CELF2: variants seen among roughly 807,000 people sequenced by gnomAD.
CELF2 encodes CUG triplet repeat RNA-binding protein 2.
Under a neutral mutation model 62.6 loss-of-function variants are expected in CELF2, and 8 were observed. The observed-to-expected ratio is 0.13, with a 90% CI of 0.07 to 0.23. The LOEUF is 0.23. CELF2 is among the 10% of genes least tolerant of loss of function. CELF2 has a pLI of 1.00. For synonymous variants in CELF2, 258 were observed against 250.0 expected (o/e 1.03, Z -0.30); for missense variants, 333 against 671.0 (o/e 0.50, Z 5.56).
chr10:11,236,088 A>G (rs545673709), intron 3 of CELF2, among the ~76,000 whole-genome samples: 3 of 152,214 alleles, frequency 2.0e-5, no homozygotes, highest in Non-Finnish European at 4.4e-5. Context: ...AATGTTAGAC[A>G]CTAATTAATA....
rs143338367 is a variant in CELF2 at position 11,281,486 on chromosome 10, G to A, written c.841+6366G>A. 7.6e-3 allele frequency among the ~76,000 whole-genome samples: 1,163 copies of A among 152,322 alleles called. 10 individuals carry two copies. The highest frequency in any genetic ancestry group is 0.027 in the African/African-American group (1,109 of 41,570). On this transcript the variant is annotated intron_variant, in intron 8 of 12. Coordinates refer to ENST00000633077, the MANE Select transcript of CELF2 (RefSeq NM_001326342.2). ...ATCACGTTAAGAAACTAGGCCAGGT[G>A]TGGCGGCTCACACTTGTAGTCCCAG...
At chr10:10,671,955 C>T in the CELF2 span, among the ~76,000 whole-genome samples, 2 of 152,142 alleles carry the variant, frequency 1.3e-5, no homozygotes, top group Non-Finnish European at 2.9e-5. Flanking sequence ...GTCTTGAACG[C>T]CTGACCTCAG....
intron 1 of CELF2, among the ~76,000 whole-genome samples, chr10:11,138,878 G>A (rs901486871): frequency 9.9e-5 from 15 of 152,212 alleles, no homozygotes; most frequent in Non-Finnish European, 2.1e-4. Flanking sequence ...GAAAGTTGGT[G>A]CTTACCATTT....
At chr10:10,695,065 A>G in the CELF2 span, among the ~76,000 whole-genome samples, 1 of 145,470 alleles carries the variant, frequency 6.9e-6, no homozygotes, top group Admixed American at 6.8e-5. Context: ...TTAGCTGGTG[A>G]TTTTGCTCTT....
the CELF2 span, among the ~76,000 whole-genome samples, chr10:10,706,524 G>A: frequency 6.6e-6 from 1 of 152,162 alleles, no homozygotes; most frequent in African/African-American, 2.4e-5. Context: ...AAAGGCCTAT[G>A]ACCTTCAGGA....
chr10:11,061,077 G>A (rs1020624705), intron 1 of CELF2, among the ~76,000 whole-genome samples: 10 of 152,202 alleles, frequency 6.6e-5, no homozygotes, highest in Admixed American at 6.5e-5. Flanking sequence ...CAGTGAGAAA[G>A]GCACGTCAAA....
At chr10:10,800,092 G>T (rs1233924007) in intron 1 of CELF2, among the ~76,000 whole-genome samples, 1 of 152,140 alleles carries the variant, frequency 6.6e-6, no homozygotes, top group East Asian at 1.9e-4. Flanking sequence ...CTTCATGTTT[G>T]TCTGATTTTG....
the CELF2 span, among the ~76,000 whole-genome samples, chr10:10,491,216 T>C: frequency 6.6e-6 from 1 of 152,176 alleles, no homozygotes; most frequent in African/African-American, 2.4e-5. Flanking sequence ...ATCCAGCCCC[T>C]TTCACTGACA....
chr10:10,489,014 T>C, the CELF2 span, among the ~76,000 whole-genome samples: 1 of 152,076 alleles, frequency 6.6e-6, no homozygotes, highest in South Asian at 2.1e-4. Flanking sequence ...AGCAAGGCTA[T>C]GGAGAATCTT....
chr10:10,967,428 A>G (rs1002931988), intron 2 of CELF2, among the ~76,000 whole-genome samples: 41 of 152,224 alleles, frequency 2.7e-4, no homozygotes, highest in African/African-American at 9.9e-4. Context: ...ATAGAATTAC[A>G]GACTGTGTTA....
intron 2 of CELF2, among the ~76,000 whole-genome samples, chr10:10,953,094 C>T (rs950958653): frequency 2.0e-5 from 3 of 152,190 alleles, no homozygotes; most frequent in African/African-American, 7.2e-5. Context: ...CTCGTTCTGT[C>T]CTCGAGCCAC....
intron 2 of CELF2, among the ~76,000 whole-genome samples, chr10:11,208,220 G>A (rs2060904239): frequency 6.6e-6 from 1 of 152,068 alleles, no homozygotes; most frequent in Non-Finnish European, 1.5e-5. Flanking sequence ...AACTAGTGTA[G>A]GGACCAAGAG....
intron 2 of CELF2, among the ~76,000 whole-genome samples, chr10:11,192,590 A>G (rs1205583667): frequency 1.3e-5 from 2 of 152,240 alleles, no homozygotes; most frequent in Non-Finnish European, 2.9e-5. Context: ...CAGTCTCATG[A>G]CAATAACAAG....
chr10:10,597,440 G>T, the CELF2 span, among the ~76,000 whole-genome samples: 2 of 152,120 alleles, frequency 1.3e-5, no homozygotes, highest in Non-Finnish European at 2.9e-5. Flanking sequence ...GCTGTGGACA[G>T]AGTCCTCAAA....
chr10:10,548,534 A>C, the CELF2 span, among the ~76,000 whole-genome samples: 1 of 152,330 alleles, frequency 6.6e-6, no homozygotes, highest in East Asian at 1.9e-4. Context: ...CTGAAGACTC[A>C]AACTAGTTTA....
At chr10:10,814,401 T>C (rs905365577) in intron 1 of CELF2, among the ~76,000 whole-genome samples, 1 of 152,072 alleles carries the variant, frequency 6.6e-6, no homozygotes, top group Non-Finnish European at 1.5e-5. Flanking sequence ...ATCTAACCTC[T>C]TCTTTTGGAT....
At chr10:10,788,253 G>A in the CELF2 span, among the ~76,000 whole-genome samples, 10 of 151,990 alleles carry the variant, frequency 6.6e-5, no homozygotes, top group African/African-American at 2.2e-4. Flanking sequence ...CTTCAAAATA[G>A]GACCTTTTTT....
At chr10:10,468,935 G>T in the CELF2 span, among the ~76,000 whole-genome samples, 1 of 151,624 alleles carries the variant, frequency 6.6e-6, no homozygotes, top group Non-Finnish European at 1.5e-5. Flanking sequence ...AACTCATCTT[G>T]TATCCTTTGT....
the CELF2 span, among the ~76,000 whole-genome samples, chr10:10,705,750 G>A: frequency 1.3e-5 from 2 of 152,084 alleles, no homozygotes; most frequent in African/African-American, 2.4e-5. Flanking sequence ...CCCAGGTCCC[G>A]GTTCATGTAT....
Sources: gnomAD v4.1 joint callset for allele counts (sites outside exome capture counted in the v4.1 genomes callset) on GRCh38, gnomAD v4.1.1 for gene constraint, MANE v1.5 for transcripts, NCBI Gene and HGNC (gene_info 2026-07-23, HGNC 2026-07-21) for gene names.